PABPC4L: variants seen among roughly 807,000 people sequenced by gnomAD.
PABPC4L encodes the protein poly(A) binding protein cytoplasmic 4 like.
For synonymous variants in PABPC4L, 169 were observed against 164.1 expected, an observed-to-expected ratio of 1.03 and a Z score of -0.23; for missense variants, 452 against 451.4, an observed-to-expected ratio of 1.00 and a Z score of -0.01.
At chr4:134,132,810 A>G in the PABPC4L span, among the ~76,000 whole-genome samples, 1 of 150,120 alleles carries the variant, frequency 6.7e-6, no homozygotes, top group South Asian at 2.1e-4. Flanking sequence ...GAACCAGCCC[A>G]AATGCCCATC....
At chr4:134,072,741 C>T in the PABPC4L span, among the ~76,000 whole-genome samples, 1 of 152,058 alleles carries the variant, frequency 6.6e-6, no homozygotes, top group Non-Finnish European at 1.5e-5. Flanking sequence ...TTCCACATGG[C>T]TGGGGAGGCC....
the PABPC4L span, among the ~76,000 whole-genome samples, chr4:133,985,312 A>T: frequency 2.6e-5 from 4 of 152,092 alleles, no homozygotes; most frequent in East Asian, 7.7e-4. Flanking sequence ...AAAGGAAAAG[A>T]CAGGCTTCAT....
the PABPC4L span, among the ~76,000 whole-genome samples, chr4:134,128,104 A>C: frequency 1.3e-5 from 2 of 152,132 alleles, no homozygotes; most frequent in African/African-American, 4.8e-5. Flanking sequence ...CAATTTGACG[A>C]AGACAAAGAA....
At chr4:134,160,966 G>A in the PABPC4L span, among the ~76,000 whole-genome samples, 1 of 152,056 alleles carries the variant, frequency 6.6e-6, no homozygotes. Flanking sequence ...CGATTCTGGA[G>A]TGACAGATAC....
the PABPC4L span, among the ~76,000 whole-genome samples, chr4:134,144,186 A>G: frequency 1.3e-5 from 2 of 151,602 alleles, no homozygotes; most frequent in Admixed American, 1.3e-4. Flanking sequence ...ATTTATAAAA[A>G]TATTTGACCA....
the PABPC4L span, among the ~76,000 whole-genome samples, chr4:134,086,798 T>G: frequency 2.7e-5 from 4 of 149,748 alleles, no homozygotes; most frequent in Admixed American, 6.6e-5. Flanking sequence ...GTTTTATTTG[T>G]TTTTTTTTCT....
At chr4:134,039,204 C>T in the PABPC4L span, among the ~76,000 whole-genome samples, 1 of 152,022 alleles carries the variant, frequency 6.6e-6, no homozygotes, top group South Asian at 2.1e-4. Context: ...ATTATGATTT[C>T]CATTCTTTTG....
At chr4:134,083,579 A>C in the PABPC4L span, among the ~76,000 whole-genome samples, 1 of 152,312 alleles carries the variant, frequency 6.6e-6, no homozygotes, top group South Asian at 2.1e-4. Flanking sequence ...CTGATATGCA[A>C]CAATCTGCAT....
At chr4:134,012,792 T>G in the PABPC4L span, among the ~76,000 whole-genome samples, 1 of 152,150 alleles carries the variant, frequency 6.6e-6, no homozygotes, top group African/African-American at 2.4e-5. Flanking sequence ...TTTTACTCTC[T>G]TCTCCAACCT....
At chr4:134,149,851 T>A in the PABPC4L span, among the ~76,000 whole-genome samples, 1 of 152,128 alleles carries the variant, frequency 6.6e-6, no homozygotes, top group Non-Finnish European at 1.5e-5. Context: ...TATCACACAG[T>A]GGCTAGGTGA....
chr4:134,166,501 A>G, the PABPC4L span, among the ~76,000 whole-genome samples: 32 of 152,100 alleles, frequency 2.1e-4, no homozygotes, highest in Non-Finnish European at 1.0e-4. Context: ...TCTGTTGCCT[A>G]TGAGGGTCTA....
chr4:134,077,804 A>G, the PABPC4L span, among the ~76,000 whole-genome samples: 1 of 152,144 alleles, frequency 6.6e-6, no homozygotes, highest in South Asian at 2.1e-4. Flanking sequence ...ATCTATTTTC[A>G]CATAATTTTT....
the PABPC4L span, among the ~76,000 whole-genome samples, chr4:133,994,415 C>T: frequency 2.6e-5 from 4 of 152,134 alleles, no homozygotes; most frequent in Non-Finnish European, 4.4e-5. Context: ...GTCCTGTCCC[C>T]AAATATTAAT....
At chr4:134,042,343 C>A in the PABPC4L span, among the ~76,000 whole-genome samples, 1 of 152,062 alleles carries the variant, frequency 6.6e-6, no homozygotes, top group Non-Finnish European at 1.5e-5. Flanking sequence ...TTGGATACAA[C>A]GGTCACTACT....
At chr4:134,006,160 GAC>G in the PABPC4L span, among the ~76,000 whole-genome samples, 1 of 151,770 alleles carries the variant, frequency 6.6e-6, no homozygotes, top group Non-Finnish European at 1.5e-5. Flanking sequence ...AGAAAGAGTG[GAC>G]ACAGCTTTGT....
the PABPC4L span, among the ~76,000 whole-genome samples, chr4:134,103,444 C>CTTGTAGA: frequency 6.6e-6 from 1 of 151,632 alleles, no homozygotes; most frequent in African/African-American, 2.4e-5. Flanking sequence ...CTCATCTCGT[C>CTTGTAGA]TTGTAGATGG....
chr4:134,031,748 A>G, the PABPC4L span, among the ~76,000 whole-genome samples: 1 of 151,894 alleles, frequency 6.6e-6, no homozygotes, highest in African/African-American at 2.4e-5. Context: ...GAGAGATGAT[A>G]TGGGGATATA....
the PABPC4L span, among the ~76,000 whole-genome samples, chr4:134,082,114 C>T: frequency 6.6e-6 from 1 of 152,088 alleles, no homozygotes; most frequent in African/African-American, 2.4e-5. Context: ...AAGCATAAGA[C>T]AAAGACTTTC....
chr4:134,098,536 T>C, the PABPC4L span, among the ~76,000 whole-genome samples: 6 of 151,822 alleles, frequency 4.0e-5, no homozygotes, highest in South Asian at 1.0e-3. Context: ...ACTTGTTATA[T>C]TTGAGTTACT....
Sources: allele counts gnomAD v4.1 joint callset (sites outside exome capture counted in the v4.1 genomes callset), GRCh38; gene constraint gnomAD v4.1.1; transcripts MANE v1.5; gene names NCBI Gene and HGNC (gene_info 2026-07-23, HGNC 2026-07-21).